The following SYNE1 variants were observed in gnomAD, a reference collection of about 807,000 sequenced individuals.
The protein encoded by SYNE1 is spectrin repeat containing nuclear envelope protein 1.
In SYNE1, 616 loss-of-function variants were observed where a neutral mutation model predicts 1,111.0. The observed-to-expected ratio is 0.55, with a 90% confidence interval of 0.52 to 0.59. The LOEUF is 0.59. Ranked by LOEUF, SYNE1 falls within the 20% of genes least tolerant of loss-of-function variation. SYNE1 has a pLI of 0.00. For missense variants in SYNE1, 10,006 were observed against 10,417.0 expected (o/e 0.96, Z 1.72); for synonymous variants, 3,855 against 3,825.8 (o/e 1.01, Z -0.28).
intron 53 of SYNE1, among the ~76,000 whole-genome samples, chr6:152,389,464 A>G (rs2097574989): frequency 6.6e-6 from 1 of 152,232 alleles, no homozygotes; most frequent in African/African-American, 2.4e-5. Flanking sequence ...CCAGTGTGTC[A>G]ATGATCTAAC....
intron 80 of SYNE1, 48 bp from the exon 81 acceptor site, chr6:152,325,350 A>G (rs761567771): frequency 2.7e-5 from 43 of 1,584,624 alleles, no homozygotes; most frequent in Non-Finnish European, 3.6e-5. Context: ...GGGAGAGATC[A>G]ATTTAATTTT....
intron 72 of SYNE1, among the ~76,000 whole-genome samples, chr6:152,347,721 C>T (rs1162715880): frequency 1.3e-5 from 2 of 148,692 alleles, no homozygotes; most frequent in Non-Finnish European, 3.0e-5. Context: ...CACTCTGCTG[C>T]CCAGGCTGGA....
intron 131 of SYNE1, among the ~76,000 whole-genome samples, chr6:152,161,234 ATTAT>A (rs200544422): frequency 0.023 from 3,438 of 148,134 alleles, 55 homozygotes; most frequent in African/African-American, 0.043. Context: ...ACATTACTAC[ATTAT>A]TTATTTCATA....
At chr6:152,509,723 T>C (rs558604779) in intron 8 of SYNE1, among the ~76,000 whole-genome samples, 1 of 152,104 alleles carries the variant, frequency 6.6e-6, no homozygotes, top group Admixed American at 6.5e-5. Flanking sequence ...GGGAAAAAAT[T>C]TAAAAACTAA....
intron 3 of SYNE1, chr6:152,547,039 T>C (rs1298635124): frequency 6.6e-6 from 1 of 152,234 alleles, no homozygotes; most frequent in Non-Finnish European, 1.5e-5. Context: ...AGCTGCCTGA[T>C]ACATGAGTGA....
chr6:152,285,962 G>A (rs938983649), intron 95 of SYNE1, among the ~76,000 whole-genome samples: 1 of 152,102 alleles, frequency 6.6e-6, no homozygotes, highest in Admixed American at 6.5e-5. Context: ...AAGTAACATA[G>A]GCTTTATATT....
chr6:152,588,831 G>A (rs113707917), intron 3 of SYNE1, among the ~76,000 whole-genome samples: 2,963 of 152,264 alleles, frequency 0.019, 99 homozygotes, highest in African/African-American at 0.067. Flanking sequence ...ATCCAGGTGG[G>A]TCCCTGGGAG....
intron 58 of SYNE1, among the ~76,000 whole-genome samples, chr6:152,375,859 G>A (rs550825196): frequency 6.6e-6 from 1 of 152,310 alleles, no homozygotes; most frequent in South Asian, 2.1e-4. Context: ...TTATATAAAT[G>A]AACTGGTTCC....
rs1175644823 is a variant in SYNE1, at chr6:152,462,873, C to G, written c.2115G>C (p.Glu705Asp). 6.2e-7 allele frequency: 1 copy of G among 1,613,894 alleles called. No individual in the cohort carries two copies. ...TGTATTCCTTCTTCATTCTGTCCAT[C>G]TCATCAGCTTGAGCATACTGTTAAG... is the stretch of plus-strand genomic sequence containing the variant. ...MEVKQYAQAD[E>D]MDRMKKEYTD... Residue 705 changes from glutamate (E) to aspartate (D), a missense_variant, in exon 20 of 146, where the codon GAG becomes GAC. Glu to Asp is a conservative substitution (Grantham distance 45, BLOSUM62 2). Around this residue, in one of 7 missense-constraint regions of SYNE1, gnomAD observed 1,971 missense variants for 2,084.1 expected, o/e 0.95. Coordinates refer to ENST00000367255, the MANE Select transcript of SYNE1 (RefSeq NM_182961.4).
chr6:152,139,750 A>AAAGAAGG (rs1237531271), intron 140 of SYNE1, among the ~76,000 whole-genome samples, 200 bp downstream of exon 140: 7 of 145,124 alleles, frequency 4.8e-5, no homozygotes, highest in East Asian at 2.1e-4. Context: ...AGAAAGAAAG[A>AAAGAAGG]AAAGAAAAAA....
At chr6:152,339,122 G>A in intron 75 of SYNE1, 119 bp downstream of exon 75, 1 of 1,312,258 alleles carries the variant, frequency 7.6e-7, no homozygotes, top group Non-Finnish European at 1.1e-6. Context: ...AATGGCTGTA[G>A]AACCATTACA....
chr6:152,197,921 A>T (rs1262370238), intron 127 of SYNE1, among the ~76,000 whole-genome samples: 1 of 152,088 alleles, frequency 6.6e-6, no homozygotes, highest in Non-Finnish European at 1.5e-5. Context: ...TAAGCTATTA[A>T]ATTTCTCAAT....
At chr6:152,368,789 T>C (rs1247239822) in intron 61 of SYNE1, 183 bp downstream of exon 61, 4 of 741,066 alleles carry the variant, frequency 5.4e-6, no homozygotes, top group African/African-American at 3.4e-5. Flanking sequence ...ATCAAGCTTA[T>C]GCAACAACAA....
chr6:152,591,117 C>T (rs1206437219), intron 3 of SYNE1, among the ~76,000 whole-genome samples: 1 of 152,148 alleles, frequency 6.6e-6, no homozygotes, highest in Non-Finnish European at 1.5e-5. Context: ...TGGGTAGGTG[C>T]ATTCCTGGGT....
chr6:152,615,884 A>T (rs1297001808), intron 3 of SYNE1, among the ~76,000 whole-genome samples: 1 of 152,180 alleles, frequency 6.6e-6, no homozygotes, highest in East Asian at 1.9e-4. Flanking sequence ...TTACATCTTC[A>T]CTGAATAAGA....
intron 76 of SYNE1, chr6:152,335,873 G>A (rs2096375965): frequency 6.6e-6 from 1 of 151,924 alleles, no homozygotes; most frequent in Non-Finnish European, 1.5e-5. Flanking sequence ...TTTTAATAGA[G>A]ATGTGGTCTC....
At chr6:152,604,325 CAGGGT>C (rs1304498070) in intron 3 of SYNE1, among the ~76,000 whole-genome samples, 1 of 151,946 alleles carries the variant, frequency 6.6e-6, no homozygotes, top group Non-Finnish European at 1.5e-5. Context: ...CTTTTTGAGA[CAGGGT>C]CTCACTCTGT....
rs148756214 is a variant in SYNE1 at position 152,311,910 on chromosome 6, G to C, written c.16711-1037C>G. Among the ~76,000 whole-genome samples, 840 of 152,180 alleles carry C rather than the reference G, an allele frequency of 5.5e-3. 9 individuals carry two copies. Among genetic ancestry groups the C allele is most frequent in the East Asian group, 0.045 (229 of 5,132 alleles). ...CCTGCCTCAGCCCCCCGAGCAGCTG[G>C]GACTACACGCACCCAGGTGCCCGCC... is the stretch of plus-strand genomic sequence containing the variant. On this transcript the variant is annotated intron_variant, in intron 87 of 145. Transcript: ENST00000367255.
intron 125 of SYNE1, among the ~76,000 whole-genome samples, chr6:152,207,374 T>C (rs1384698757): frequency 3.9e-5 from 6 of 152,144 alleles, no homozygotes; most frequent in Non-Finnish European, 1.5e-5. Context: ...GATATGAATA[T>C]GCCCCTTCTC....
Sources: allele counts gnomAD v4.1 joint callset (sites outside exome capture counted in the v4.1 genomes callset), GRCh38; gene constraint gnomAD v4.1.1; regional missense constraint gnomAD v4.1.1; transcripts MANE v1.5; gene names NCBI Gene and HGNC (gene_info 2026-07-23, HGNC 2026-07-21).